ATP6V0A1: variants seen among roughly 807,000 people sequenced by gnomAD.
ATP6V0A1 encodes ATPase H+ transporting V0 subunit a1, also known as V-type proton ATPase 116 kDa subunit a 1.
A neutral mutation model predicts 105.4 loss-of-function variants in ATP6V0A1; 43 were observed. The observed-to-expected ratio is 0.41, with a 90% CI of 0.32 to 0.53. The LOEUF (loss-of-function observed/expected upper bound fraction) is 0.53, where lower values mean the gene tolerates loss of function less well. Among genes scored for constraint, ATP6V0A1 ranks in the 20% least tolerant of loss-of-function variants. The pLI is 0.30. For synonymous variants in ATP6V0A1, 362 were observed against 372.8 expected (o/e 0.97, Z 0.33); for missense variants, 676 against 1,051.1 (o/e 0.64, Z 4.93).
intron 9 of ATP6V0A1, among the ~76,000 whole-genome samples, chr17:42,485,714 C>T (rs760711341): frequency 5.3e-5 from 8 of 152,082 alleles, no homozygotes; most frequent in Non-Finnish European, 8.8e-5. Flanking sequence ...CCATGCCCAG[C>T]TAATTATTTT....
intron 9 of ATP6V0A1, among the ~76,000 whole-genome samples, chr17:42,485,097 G>T (rs2089971304): frequency 6.6e-6 from 1 of 152,086 alleles, no homozygotes; most frequent in African/African-American, 2.4e-5. Flanking sequence ...TGATCTGCCT[G>T]CCTCGGCCTC....
intron 7 of ATP6V0A1, among the ~76,000 whole-genome samples, chr17:42,479,991 C>T (rs559087784): frequency 3.3e-5 from 5 of 152,208 alleles, no homozygotes; most frequent in Non-Finnish European, 7.3e-5. Flanking sequence ...CTTCACTCCT[C>T]ATCCCCTTTT....
chr17:42,478,799 T>A (rs1045720472), intron 7 of ATP6V0A1: 1 of 311,998 alleles, frequency 3.2e-6, no homozygotes, highest in Non-Finnish European at 5.4e-6. Flanking sequence ...CATATACATA[T>A]TTTCAAGTTT....
intron 17 of ATP6V0A1, among the ~76,000 whole-genome samples, chr17:42,502,064 T>C (rs2091714332): frequency 6.6e-6 from 1 of 152,010 alleles, no homozygotes; most frequent in African/African-American, 2.4e-5. Context: ...CAAAACGCAT[T>C]TGTGTTATGT....
At chr17:42,507,470 T>G (rs1258075681) in intron 17 of ATP6V0A1, 50 bp from the exon 18 acceptor site, 1 of 1,351,732 alleles carries the variant, frequency 7.4e-7, no homozygotes, top group Non-Finnish European at 1.0e-6. Flanking sequence ...CCTCACAGAA[T>G]GTCATGTTAA....
intron 17 of ATP6V0A1, 96 bp downstream of exon 17, chr17:42,501,400 A>G (rs1241717608): frequency 1.1e-5 from 10 of 934,624 alleles, no homozygotes; most frequent in African/African-American, 1.7e-5. Context: ...GCACAAATCT[A>G]TATATTCTTT....
At position 42,514,359 on chromosome 17, in the gene ATP6V0A1, G is replaced by T; in HGVS notation, c.2319G>T (p.Leu773Phe). The T allele has an allele frequency of 6.2e-7, 1 of 1,613,792 alleles. No homozygotes were observed. The highest frequency in any genetic ancestry group is 8.5e-7 in the Non-Finnish European group (1 of 1,179,840). The change falls in exon 21 of 22, where the codon TTG (leucine) becomes TTT (phenylalanine). Residue 773 changes from leucine to phenylalanine, a missense_variant. Coordinates refer to ENST00000343619, the MANE Select transcript of ATP6V0A1 (RefSeq NM_001130021.3). ...GLSVKSLAGG[L>F]VLFFFFTAFA... ...GCGTGAAGAGCTTGGCGGGAGGTTT[G>T]GTGCTGTTCTTCTTCTTCACTGCCT...
At chr17:42,512,301 G>T (rs989803169) in intron 19 of ATP6V0A1, among the ~76,000 whole-genome samples, 4 of 152,298 alleles carry the variant, frequency 2.6e-5, no homozygotes, top group South Asian at 2.1e-4. Context: ...CAGTTTATTC[G>T]GTGGGAGAAA....
chr17:42,514,731 C>T (rs1452535971), intron 21 of ATP6V0A1, among the ~76,000 whole-genome samples: 1 of 152,156 alleles, frequency 6.6e-6, no homozygotes, highest in Non-Finnish European at 1.5e-5. Flanking sequence ...TTAGCTGTCC[C>T]CAGTGCTCCT....
In ATP6V0A1 at chr17:42,514,413, G is replaced by T; in HGVS notation, c.2373G>T (p.Leu791=). ...CCACCCTGACCGTGGCCATCCTCCT[G>T]ATCATGGAGGGCCTCTCGGCCTTTC... The part of the protein sequence containing the change: ...AFATLTVAIL[L]IMEGLSAFLH... The change falls in exon 21 of 22, where the codon CTG becomes CTT. Residue 791 remains leucine, a synonymous_variant. Transcript: ENST00000343619. 6.2e-7 allele frequency: 1 copy of T among 1,613,022 alleles called. No homozygotes were observed. The highest frequency in any genetic ancestry group is 1.1e-5 in the South Asian group (1 of 90,874).
In ATP6V0A1 at chr17:42,521,544, G is replaced by T. The variant is rs112555643; in HGVS notation, c.*424G>T. On this transcript the variant is annotated 3_prime_UTR_variant, in exon 22 of 22. Transcript: ENST00000343619. The surrounding 1 kb of genome is among the most constrained non-coding windows in gnomAD (Gnocchi z 4.8). ...TAGTTTCTAGCAGGAGTAGTGGGGG[G>T]AGTAATACAGATTCTTCCCTAGAAG... 3.2e-3 allele frequency: 495 copies of T among 154,050 alleles called. 20 individuals are homozygous for T. In the South Asian group the frequency reaches 0.052, roughly 16 times the overall value. The allele number at this position is 154,050 out of a possible 1,614,324, so 9.5% of individuals were successfully genotyped here.
intron 11 of ATP6V0A1, among the ~76,000 whole-genome samples, chr17:42,492,689 A>C (rs1396145632): frequency 7.0e-6 from 1 of 142,596 alleles, no homozygotes; most frequent in East Asian, 2.1e-4. Context: ...CTGGGCAAAA[A>C]GAGTGAAACT....
intron 10 of ATP6V0A1, among the ~76,000 whole-genome samples, chr17:42,489,045 T>C (rs1261327954): frequency 1.4e-5 from 2 of 147,972 alleles, no homozygotes; most frequent in Non-Finnish European, 3.0e-5. Context: ...TCACCACGCC[T>C]GGTGGATCAA....
chr17:42,492,832 A>G (rs558309947), intron 11 of ATP6V0A1, among the ~76,000 whole-genome samples: 3 of 152,132 alleles, frequency 2.0e-5, no homozygotes, highest in East Asian at 3.9e-4. Flanking sequence ...CCTGGCCAAC[A>G]TGGTGAAACC....
Position 42,470,186 on chromosome 17 carries a change from A to C in ATP6V0A1, c.391A>C (p.Ile131Leu), listed in dbSNP as rs1200101137. ...CCTGGAACTGACCGAATTAAAATTT[A>C]TACTTCGCAAAACTCAGCAATTTTT... ...NFLELTELKF[I>L]LRKTQQFFDE... The change falls in exon 5 of 22, where the codon ATA (isoleucine) becomes CTA (leucine). Residue 131 changes from isoleucine (I) to leucine (L), a missense_variant. Ile to Leu is a conservative substitution (Grantham distance 5, BLOSUM62 2). Coordinates refer to ENST00000343619, the MANE Select transcript of ATP6V0A1 (RefSeq NM_001130021.3). The C allele has an allele frequency of 6.2e-7, 1 of 1,613,172 alleles. No individual in the cohort carries two copies. Among genetic ancestry groups the C allele is most frequent in the African/African-American group, 1.3e-5 (1 of 74,920 alleles).
chr17:42,490,469 T>G lies in ATP6V0A1; in HGVS notation c.1024-18T>G. On this transcript the variant is annotated intron_variant, in intron 10 of 21. Transcript: ENST00000343619. ...AGGAGGATAACCTAAGTTTGATAAA[T>G]GTGCTAATGTTTTTCAGGAACACAG... 1 of 1,587,006 alleles carries G rather than the reference T, an allele frequency of 6.3e-7. No homozygotes were observed. Among genetic ancestry groups the G allele is most frequent in the Non-Finnish European group, 8.5e-7 (1 of 1,169,760 alleles).
At chr17:42,519,042 C>G (rs1218305333) in intron 21 of ATP6V0A1, 5 of 152,314 alleles carry the variant, frequency 3.3e-5, no homozygotes, top group African/African-American at 1.2e-4. Context: ...AAGATAGACC[C>G]AAGATGTCCC....
At chr17:42,491,573 T>A (rs1209992726) in intron 11 of ATP6V0A1, among the ~76,000 whole-genome samples, 2 of 152,170 alleles carry the variant, frequency 1.3e-5, no homozygotes, top group Non-Finnish European at 2.9e-5. Context: ...ATCCTCTGCC[T>A]CCCAGGTTCA....
At chr17:42,476,324 C>T (rs181635498) in intron 5 of ATP6V0A1, among the ~76,000 whole-genome samples, 2 of 152,202 alleles carry the variant, frequency 1.3e-5, no homozygotes, top group East Asian at 3.9e-4. Context: ...CACAGTTTTT[C>T]CCCCTTTTTG....
Sources: allele counts gnomAD v4.1 joint callset (sites outside exome capture counted in the v4.1 genomes callset), GRCh38; gene constraint gnomAD v4.1.1; non-coding constraint Gnocchi (gnomAD v3.1); transcripts MANE v1.5; gene names NCBI Gene and HGNC (gene_info 2026-07-23, HGNC 2026-07-21).